Variants in NIBAN1 observed in about 807,000 individuals in gnomAD.
The protein encoded by NIBAN1 is niban apoptosis regulator 1.
NIBAN1 carries 81 observed loss-of-function variants against 75.1 expected under a neutral mutation model. That is an observed-to-expected ratio of 1.08 (90% CI 0.90 to 1.30). The LOEUF is 1.30. Among genes scored for constraint, NIBAN1 ranks in the 50% most tolerant of loss-of-function variants. The probability of loss-of-function intolerance (pLI) is 0.00; values close to 1 mark genes in which losing one functional copy is unlikely to be tolerated. For missense variants in NIBAN1, 1,133 were observed against 1,128.1 expected (o/e 1.00, Z -0.06); for synonymous variants, 436 against 424.8 (o/e 1.03, Z -0.32).
At chr1:184,825,585 TA>T (rs1654821705) in intron 6 of NIBAN1, among the ~76,000 whole-genome samples, 1 of 152,354 alleles carries the variant, frequency 6.6e-6, no homozygotes, top group South Asian at 2.1e-4. Context: ...CAAGTGTTTT[TA>T]AAAAATGTGT....
In NIBAN1 at chr1:184,795,303, T is replaced by G. The variant is rs764413041; in HGVS notation, c.2461A>C (p.Thr821Pro). 8.1e-6 allele frequency: 13 copies of G among 1,612,508 alleles called. No individual in the cohort carries two copies. Among genetic ancestry groups the G allele is most frequent in the Admixed American group, 1.7e-5 (1 of 60,020 alleles). ...MEGELPGEAC[T>P]LTAHEGRGGK... is the part of the protein sequence containing the mutation. ...CCTCTTCCTTCATGGGCAGTGAGTG[T>G]GCAGGCCTCTCCTGGGAGCTCCCCC... The change falls in exon 14 of 14, where the codon ACA (threonine) becomes CCA (proline). Residue 821 changes from threonine to proline, a missense_variant. By Grantham distance (38) the Thr-to-Pro change is conservative. Transcript: ENST00000367511.
At chr1:184,929,402 T>C (rs576075614) in intron 1 of NIBAN1, among the ~76,000 whole-genome samples, 2 of 152,344 alleles carry the variant, frequency 1.3e-5, no homozygotes, top group East Asian at 3.9e-4. Flanking sequence ...AAATTGCTTT[T>C]ATTCCTATTC....
At chr1:184,842,372 G>C (rs182219970) in intron 5 of NIBAN1, among the ~76,000 whole-genome samples, 1 of 152,292 alleles carries the variant, frequency 6.6e-6, no homozygotes, top group East Asian at 1.9e-4. Flanking sequence ...AGAAGCTCCC[G>C]AGGTGATGCT....
chr1:184,894,948 T>G lies in NIBAN1; in HGVS notation c.187-742A>C, dbSNP rs527595934. 5.3e-5 allele frequency among the ~76,000 whole-genome samples: 8 copies of G among 152,204 alleles called. No homozygotes were observed. In the South Asian group the frequency reaches 6.2e-4, roughly 12 times the overall value. ...CGGCTTCATTGTGTAATTTTCATAT[T>G]ATTTCAAAATATACAAATGGGCCTC... On this transcript the variant is annotated intron_variant, in intron 2 of 13. Coordinates refer to ENST00000367511, the MANE Select transcript of NIBAN1 (RefSeq NM_052966.4).
intron 5 of NIBAN1, among the ~76,000 whole-genome samples, chr1:184,875,808 A>G (rs1194910378): frequency 6.6e-6 from 1 of 152,260 alleles, no homozygotes; most frequent in Non-Finnish European, 1.5e-5. Context: ...GACAATTTTT[A>G]AAACATCAGA....
At chr1:184,917,509 G>A (rs948377294) in intron 1 of NIBAN1, among the ~76,000 whole-genome samples, 5 of 150,942 alleles carry the variant, frequency 3.3e-5, no homozygotes, top group African/African-American at 4.9e-5. Flanking sequence ...CTGCCCGGCC[G>A]GTCTCTTCCA....
chr1:184,793,357 A>C lies in NIBAN1; in HGVS notation c.*1620T>G, dbSNP rs1427150960. 1.3e-5 allele frequency: 2 copies of C among 152,112 alleles called. No homozygotes were observed. Among genetic ancestry groups the C allele is most frequent in the Non-Finnish European group, 2.9e-5 (2 of 68,034 alleles). The allele number at this position is 152,112 out of a possible 1,614,324, so 9.4% of individuals were successfully genotyped here. A position where few individuals can be genotyped will look rare whatever the true frequency, so the allele number is the denominator to read the frequency against. On this transcript the variant is annotated 3_prime_UTR_variant, in exon 14 of 14. Coordinates refer to ENST00000367511, the MANE Select transcript of NIBAN1 (RefSeq NM_052966.4). Reference sequence around the variant, plus strand: ...GATCGCTTGAAATCAGGAGTTTGAGACCAGCCTGGCCAACATGGTGAAAAC... The same window carrying C: ...GATCGCTTGAAATCAGGAGTTTGAGCCCAGCCTGGCCAACATGGTGAAAAC...
intron 3 of NIBAN1, among the ~76,000 whole-genome samples, chr1:184,891,847 T>C (rs1296169611): frequency 6.6e-6 from 1 of 152,186 alleles, no homozygotes; most frequent in African/African-American, 2.4e-5. Flanking sequence ...AAAAAGAAGA[T>C]ATTATTAAAA....
At chr1:184,806,171 C>T (rs1654193572) in intron 10 of NIBAN1, 115 bp from the exon 11 acceptor site, 1 of 725,084 alleles carries the variant, frequency 1.4e-6, no homozygotes, top group Non-Finnish European at 2.3e-6. Flanking sequence ...GTCCCCTCGG[C>T]TGCTATTCGG....
intron 9 of NIBAN1, among the ~76,000 whole-genome samples, chr1:184,809,465 A>G (rs1654303204): frequency 6.6e-6 from 1 of 152,192 alleles, no homozygotes; most frequent in African/African-American, 2.4e-5. Context: ...ATCATACACA[A>G]TTAGTGGAAA....
intron 1 of NIBAN1, among the ~76,000 whole-genome samples, chr1:184,923,514 T>C (rs1571577114): frequency 6.6e-6 from 1 of 152,212 alleles, no homozygotes; most frequent in Non-Finnish European, 1.5e-5. Context: ...TCCAGTTTTG[T>C]TCTTTTTGTT....
chr1:184,917,762 G>A (rs1174389016), intron 1 of NIBAN1, among the ~76,000 whole-genome samples: 2 of 151,762 alleles, frequency 1.3e-5, no homozygotes, highest in African/African-American at 4.8e-5. Flanking sequence ...TTCTCGGATT[G>A]CCATTGTCTT....
chr1:184,822,600 G>A (rs2102221861), intron 8 of NIBAN1, among the ~76,000 whole-genome samples: 1 of 152,328 alleles, frequency 6.6e-6, no homozygotes, highest in Middle Eastern at 3.4e-3. Context: ...CAGAAGGTGA[G>A]TGACCTCCCC....
chr1:184,807,818 C>G (rs975537849), intron 10 of NIBAN1, among the ~76,000 whole-genome samples: 2 of 152,162 alleles, frequency 1.3e-5, no homozygotes, highest in South Asian at 4.1e-4. Flanking sequence ...AAGGTTACAG[C>G]ACTGATTTGA....
At chr1:184,970,169 CAAA>C (rs540891439) in intron 1 of NIBAN1, among the ~76,000 whole-genome samples, 76 of 71,496 alleles carry the variant, frequency 1.1e-3, no homozygotes, top group African/African-American at 2.5e-3. Context: ...GACCCTGTCT[CAAA>C]AAAAAAAAAA....
chr1:184,823,870 G>T, intron 6 of NIBAN1, 128 bp from the exon 7 acceptor site: 1 of 672,084 alleles, frequency 1.5e-6, no homozygotes, highest in Non-Finnish European at 2.6e-6. Context: ...TAGGTTAATA[G>T]TTTAACCTAC....
chr1:184,844,260 A>C (rs979489331), intron 5 of NIBAN1, among the ~76,000 whole-genome samples: 1 of 152,236 alleles, frequency 6.6e-6, no homozygotes, highest in Non-Finnish European at 1.5e-5. Context: ...GTAAAGGCAG[A>C]CAGTAAAATA....
At chr1:184,936,162 A>G (rs1340464830) in intron 1 of NIBAN1, among the ~76,000 whole-genome samples, 1 of 152,210 alleles carries the variant, frequency 6.6e-6, no homozygotes, top group East Asian at 1.9e-4. Context: ...TCACCAGACC[A>G]TGAAAGCCAT....
intron 1 of NIBAN1, among the ~76,000 whole-genome samples, chr1:184,914,142 A>G (rs1361625294): frequency 6.6e-6 from 1 of 152,198 alleles, no homozygotes; most frequent in Non-Finnish European, 1.5e-5. Context: ...CTGGACTTAC[A>G]GTGGCACAAG....
Sources: gnomAD v4.1 joint callset for allele counts (sites outside exome capture counted in the v4.1 genomes callset) on GRCh38, gnomAD v4.1.1 for gene constraint, MANE v1.5 for transcripts, NCBI Gene and HGNC (gene_info 2026-07-23, HGNC 2026-07-21) for gene names.